Variants in KIAA1958 observed in about 807,000 individuals in gnomAD.
KIAA1958 encodes the protein KIAA1958.
A neutral mutation model predicts 47.2 loss-of-function variants in KIAA1958; 14 were observed. The observed-to-expected ratio is 0.30, with a 90% CI of 0.20 to 0.46. The LOEUF (loss-of-function observed/expected upper bound fraction) is 0.46, where lower values mean the gene tolerates loss of function less well. KIAA1958 is among the 20% of genes least tolerant of loss of function. KIAA1958 has a pLI of 1.00. For missense variants in KIAA1958, 803 were observed against 909.2 expected (o/e 0.88, Z 1.50); for synonymous variants, 354 against 353.3 (o/e 1.00, Z -0.02).
intron 1 of KIAA1958, among the ~76,000 whole-genome samples, chr9:112,554,056 A>G (rs1835200212): frequency 6.6e-6 from 1 of 152,224 alleles, no homozygotes; most frequent in Non-Finnish European, 1.5e-5. Context: ...ATCAGTCTGC[A>G]GCAGAGCCTA....
intron 1 of KIAA1958, among the ~76,000 whole-genome samples, chr9:112,516,069 C>T (rs1455157525): frequency 6.6e-6 from 1 of 152,070 alleles, no homozygotes; most frequent in Non-Finnish European, 1.5e-5. Context: ...TATTCACTGA[C>T]AAAATGATTG....
chr9:112,499,675 T>A (rs1834099999), intron 1 of KIAA1958, among the ~76,000 whole-genome samples: 1 of 151,492 alleles, frequency 6.6e-6, no homozygotes, highest in African/African-American at 2.4e-5. Flanking sequence ...ATATTTCCTA[T>A]CTACATTTTT....
intron 1 of KIAA1958, among the ~76,000 whole-genome samples, chr9:112,500,705 C>T (rs183606713): frequency 6.6e-6 from 1 of 152,194 alleles, no homozygotes; most frequent in Non-Finnish European, 1.5e-5. Context: ...AGTCCTTGCA[C>T]ATTACATAAT....
intron 2 of KIAA1958, among the ~76,000 whole-genome samples, chr9:112,629,984 G>A (rs1372812513): frequency 6.6e-6 from 1 of 152,182 alleles, no homozygotes; most frequent in Non-Finnish European, 1.5e-5. Flanking sequence ...ACCACGTTTT[G>A]AAAAACATGT....
At position 112,668,184 on chromosome 9, in the gene KIAA1958, C is replaced by T. The variant is rs966486949; in HGVS notation, c.*8115C>T. 2.1e-5 allele frequency: 3 copies of T among 146,144 alleles called. No individual in the cohort carries two copies. In the Admixed American group the frequency reaches 2.1e-4, roughly 10 times the overall value. The allele number at this position is 146,144 out of a possible 1,614,324, so 9.1% of individuals were successfully genotyped here. ...GTCCCCTGCGTTGGGGGTGTAATAA[C>T]CTAGACTAGAGCTTATAGACTGAAG... On this transcript the variant is annotated 3_prime_UTR_variant, in exon 4 of 4. Transcript: ENST00000337530.
intron 3 of KIAA1958, among the ~76,000 whole-genome samples, chr9:112,649,648 G>T (rs1309489899): frequency 6.6e-6 from 1 of 152,092 alleles, no homozygotes. Context: ...GAGGAACAAA[G>T]ATAGGGTTGA....
At chr9:112,523,388 C>T (rs1369410051) in intron 1 of KIAA1958, among the ~76,000 whole-genome samples, 1 of 152,032 alleles carries the variant, frequency 6.6e-6, no homozygotes, top group Non-Finnish European at 1.5e-5. Context: ...GAGGTCAAGG[C>T]TGCAGTGAAC....
chr9:112,615,582 G>T (rs1836396131), intron 2 of KIAA1958, among the ~76,000 whole-genome samples: 1 of 152,082 alleles, frequency 6.6e-6, no homozygotes, highest in South Asian at 2.1e-4. Flanking sequence ...TGGTAGTTCT[G>T]CAGAATATTC....
intron 2 of KIAA1958, among the ~76,000 whole-genome samples, chr9:112,584,309 C>T (rs1051391192): frequency 2.0e-5 from 3 of 152,262 alleles, no homozygotes; most frequent in African/African-American, 7.2e-5. Flanking sequence ...TTAAGTTGAG[C>T]TATACAAAGC....
rs1268317137 is a variant in KIAA1958 at position 112,661,142 on chromosome 9, G to A, written c.*1073G>A. The A allele has an allele frequency of 6.6e-6, 1 of 152,164 alleles. No individual in the cohort carries two copies. Among genetic ancestry groups the A allele is most frequent in the African/African-American group, 2.4e-5 (1 of 41,428 alleles). The allele number at this position is 152,164 out of a possible 1,614,324, so 9.4% of individuals were successfully genotyped here. A position where few individuals can be genotyped will look rare whatever the true frequency, so the allele number is the denominator to read the frequency against. On this transcript the variant is annotated 3_prime_UTR_variant, in exon 4 of 4. Transcript: ENST00000337530. Reference sequence around the variant, plus strand: ...TATGACTTTTCAGCCACAATTACATGTCATCATTTTAGGATGGCACCAATA... The same window carrying A: ...TATGACTTTTCAGCCACAATTACATATCATCATTTTAGGATGGCACCAATA...
intron 1 of KIAA1958, among the ~76,000 whole-genome samples, chr9:112,557,941 T>TA (rs1474774370): frequency 6.6e-6 from 1 of 152,098 alleles, no homozygotes; most frequent in Non-Finnish European, 1.5e-5. Context: ...AGTTAGGAGT[T>TA]AGAGGCTGGG....
chr9:112,545,263 T>TGGA (rs1158429653), intron 1 of KIAA1958, among the ~76,000 whole-genome samples: 1 of 152,198 alleles, frequency 6.6e-6, no homozygotes, highest in Non-Finnish European at 1.5e-5. Context: ...TTTAAGATCT[T>TGGA]GGAGTATAAT....
intron 1 of KIAA1958, among the ~76,000 whole-genome samples, chr9:112,507,892 C>T (rs2132774677): frequency 6.6e-6 from 1 of 152,106 alleles, no homozygotes; most frequent in South Asian, 2.1e-4. Flanking sequence ...CTCAGCCTCC[C>T]GAAGTGCTGA....
chr9:112,595,244 C>T (rs1024599340), intron 2 of KIAA1958, among the ~76,000 whole-genome samples: 4 of 152,258 alleles, frequency 2.6e-5, no homozygotes, highest in African/African-American at 2.4e-5. Context: ...AATGAAGTGA[C>T]GAAGCTATAG....
intron 1 of KIAA1958, among the ~76,000 whole-genome samples, chr9:112,498,697 C>T (rs1182905836): frequency 6.6e-6 from 1 of 152,034 alleles, no homozygotes; most frequent in Admixed American, 6.6e-5. Flanking sequence ...TATGTGTATA[C>T]AACGTATAAT....
At chr9:112,598,624 A>G (rs1265942480) in intron 2 of KIAA1958, among the ~76,000 whole-genome samples, 6 of 152,228 alleles carry the variant, frequency 3.9e-5, no homozygotes, top group Non-Finnish European at 1.5e-5. Flanking sequence ...ATCAAAAGGA[A>G]TACATCAGAA....
At chr9:112,564,157 A>G (rs1033210717) in intron 1 of KIAA1958, among the ~76,000 whole-genome samples, 8 of 152,214 alleles carry the variant, frequency 5.3e-5, no homozygotes, top group Non-Finnish European at 1.0e-4. Flanking sequence ...AACAAGTTGA[A>G]GGAAGTGCTT....
intron 1 of KIAA1958, among the ~76,000 whole-genome samples, chr9:112,520,650 G>A (rs1014352883): frequency 2.0e-5 from 3 of 152,188 alleles, no homozygotes; most frequent in African/African-American, 7.2e-5. Context: ...TACACTGTAA[G>A]TGATTCTAAA....
chr9:112,609,412 A>C (rs1434284290), intron 2 of KIAA1958, among the ~76,000 whole-genome samples: 2 of 152,238 alleles, frequency 1.3e-5, no homozygotes, highest in African/African-American at 4.8e-5. Flanking sequence ...ATAAATAAGC[A>C]CAAGTTGCAG....
Sources: gnomAD v4.1 joint callset for allele counts (sites outside exome capture counted in the v4.1 genomes callset) on GRCh38, gnomAD v4.1.1 for gene constraint, MANE v1.5 for transcripts, NCBI Gene and HGNC (gene_info 2026-07-23, HGNC 2026-07-21) for gene names.